PCDH11X: variants seen among roughly 807,000 people sequenced by gnomAD.
PCDH11X encodes the protein protocadherin 11 X-linked, also known as protocadherin-11 X-linked.
In PCDH11X, 18 loss-of-function variants were observed where a neutral mutation model predicts 53.3. The observed-to-expected ratio is 0.34, with a 90% CI of 0.23 to 0.50. The LOEUF is 0.50. PCDH11X is among the 20% of genes least tolerant of loss of function. The pLI is 0.98. For missense variants in PCDH11X, 570 were observed against 1,032.4 expected (o/e 0.55, Z 6.14); for synonymous variants, 279 against 393.3 (o/e 0.71, Z 3.44).
intron 8 of PCDH11X, among the ~76,000 whole-genome samples, chrX:92,387,344 A>T (rs1030125145): frequency 8.9e-6 from 1 of 112,348 alleles, no homozygotes; most frequent in Non-Finnish European, 1.9e-5. Flanking sequence ...ACAGCAAAAA[A>T]GTATGGTTAT....
chrX:92,433,306 C>T (rs961892571), intron 9 of PCDH11X, among the ~76,000 whole-genome samples: 3 of 110,350 alleles, frequency 2.7e-5, no homozygotes, highest in South Asian at 7.5e-4. Flanking sequence ...GAATAGTTAG[C>T]ATATAAATAA....
At chrX:91,981,153 C>T (rs895029549) in intron 6 of PCDH11X, among the ~76,000 whole-genome samples, 2 of 106,592 alleles carry the variant, frequency 1.9e-5, no homozygotes, top group African/African-American at 6.8e-5. Context: ...TCAAGAAACT[C>T]ACAGTACAGT....
chrX:92,321,898 A>C (rs2069222898), intron 8 of PCDH11X, among the ~76,000 whole-genome samples: 1 of 107,554 alleles, frequency 9.3e-6, no homozygotes, highest in Admixed American at 1.0e-4. Context: ...TTAATTTCTC[A>C]ACCATTATGT....
chrX:91,914,785 C>T (rs2147808614), intron 6 of PCDH11X, among the ~76,000 whole-genome samples: 1 of 111,727 alleles, frequency 9.0e-6, no homozygotes, highest in South Asian at 3.7e-4. Context: ...AACTGGTGTT[C>T]CTGAGAAGAG....
chrX:92,458,959 T>A (rs1162737237), intron 9 of PCDH11X, among the ~76,000 whole-genome samples: 1 of 111,666 alleles, frequency 9.0e-6, no homozygotes, highest in Non-Finnish European at 1.9e-5. Context: ...TCTATACTGT[T>A]CTCCATAGTG....
chrX:92,012,543 A>G (rs1288424188), intron 6 of PCDH11X, among the ~76,000 whole-genome samples: 1 of 111,820 alleles, frequency 8.9e-6, no homozygotes, highest in Non-Finnish European at 1.9e-5. Flanking sequence ...TCTTCTTGCA[A>G]GTATAAATGT....
At position 91,835,523 on chromosome X, in the gene PCDH11X, A is replaced by G; in HGVS notation, c.19A>G (p.Thr7Ala). ...ACCTGGTATGGACTTGTTGTCCGGG[A>G]CGTACATTTTCGCGGTCCTGCTAGC... MDLLSG[T>A]YIFAVLLACV... Residue 7 changes from threonine to alanine, a missense_variant, in exon 5 of 11, where the codon ACG becomes GCG. Thr to Ala is a moderately conservative substitution (Grantham distance 58). Around this residue, in one of 6 missense-constraint regions of PCDH11X, gnomAD observed 84 missense variants for 142.0 expected, o/e 0.59. Transcript: ENST00000682573. 2.5e-6 allele frequency: 3 copies of G among 1,211,346 alleles called. No individual in the cohort carries two copies. The highest frequency in any genetic ancestry group is 2.2e-6 in the Non-Finnish European group (2 of 895,472).
intron 5 of PCDH11X, among the ~76,000 whole-genome samples, chrX:91,858,193 C>T (rs762152973): frequency 2.5e-3 from 278 of 109,475 alleles, no homozygotes; most frequent in African/African-American, 9.0e-3. Context: ...AGCTCTACAT[C>T]GGACACTTTC....
At chrX:92,174,264 G>A (rs181024861) in intron 6 of PCDH11X, among the ~76,000 whole-genome samples, 2 of 110,099 alleles carry the variant, frequency 1.8e-5, no homozygotes, top group Admixed American at 2.0e-4. Flanking sequence ...TTTTAAATAA[G>A]CAAAGAAGGA....
At chrX:91,875,888 A>G (rs1352698700) in intron 5 of PCDH11X, among the ~76,000 whole-genome samples, 2 of 109,919 alleles carry the variant, frequency 1.8e-5, no homozygotes, top group Non-Finnish European at 3.8e-5. Flanking sequence ...TTTTAGCTGT[A>G]TTTATTAGAT....
intron 6 of PCDH11X, among the ~76,000 whole-genome samples, chrX:91,951,096 A>G (rs958531579): frequency 9.0e-6 from 1 of 111,108 alleles, no homozygotes; most frequent in Admixed American, 9.7e-5. Flanking sequence ...TCAGGTAGAA[A>G]TAGTAACTAG....
At chrX:91,962,488 C>T (rs2061802238) in intron 6 of PCDH11X, among the ~76,000 whole-genome samples, 1 of 112,388 alleles carries the variant, frequency 8.9e-6, no homozygotes, top group Non-Finnish European at 1.9e-5. Context: ...ATCCCTGTGG[C>T]TTTGCAGGGT....
In PCDH11X at chrX:92,038,688, C is replaced by A. The variant is rs112148752; in HGVS notation, c.3033+159415C>A. On this transcript the variant is annotated intron_variant, in intron 6 of 10. Transcript: ENST00000682573. ...TTTGGCTGAGTCCCCACCCAAACCT[C>A]ATCTTGAATTGTAACACCCACAATT... 7.8e-3 allele frequency among the ~76,000 whole-genome samples: 850 copies of A among 108,473 alleles called. 8 individuals are homozygous for A. Among genetic ancestry groups the A allele is most frequent in the African/African-American group, 0.027 (811 of 29,567 alleles). 94.2% of individuals were successfully genotyped at this position (108,473 alleles called of 115,157 possible). A position where few individuals can be genotyped will look rare whatever the true frequency, so the allele number is the denominator to read the frequency against.
Position 92,291,885 on chromosome X carries a change from GAA to G in PCDH11X, c.3144+28744_3144+28745del, listed in dbSNP as rs2068501217. On this transcript the variant is annotated intron_variant, in intron 8 of 10. Coordinates refer to ENST00000682573, the MANE Select transcript of PCDH11X (RefSeq NM_032968.5). ...TCTGTCTCAAAAACAAAAAAAAAGA[GAA>G]AGAAAAAAGAAAAAAAAGCATGAAC... Among the ~76,000 whole-genome samples the G allele has an allele frequency of 3.7e-5, 4 of 107,616 alleles. No individual in the cohort carries two copies. In the South Asian group the frequency reaches 1.6e-3, roughly 43 times the overall value. 93.5% of individuals were successfully genotyped at this position (107,616 alleles called of 115,157 possible).
chrX:92,475,445 T>C (rs1282448082), intron 10 of PCDH11X, among the ~76,000 whole-genome samples: 1 of 111,464 alleles, frequency 9.0e-6, no homozygotes, highest in Non-Finnish European at 1.9e-5. Context: ...CCAGATATAC[T>C]ATTATAGAGT....
At chrX:92,353,716 C>G (rs1044607754) in intron 8 of PCDH11X, among the ~76,000 whole-genome samples, 2 of 108,537 alleles carry the variant, frequency 1.8e-5, no homozygotes, top group Admixed American at 1.0e-4. Context: ...CTTTAGCTAT[C>G]TTTAACATTC....
intron 6 of PCDH11X, among the ~76,000 whole-genome samples, chrX:92,050,507 C>A (rs1286080333): frequency 9.3e-6 from 1 of 107,002 alleles, no homozygotes. Flanking sequence ...GCTAGACCGT[C>A]TGGGTTCAAA....
intron 8 of PCDH11X, among the ~76,000 whole-genome samples, chrX:92,301,415 C>T (rs1156901323): frequency 2.8e-5 from 3 of 106,988 alleles, no homozygotes; most frequent in African/African-American, 6.9e-5. Context: ...AATGGGCGTC[C>T]CTGGCAGTAC....
Position 92,023,393 on chromosome X carries a change from C to T in PCDH11X, c.3033+144120C>T, listed in dbSNP as rs779021184. 4.9e-3 allele frequency among the ~76,000 whole-genome samples: 538 copies of T among 109,237 alleles called. 3 individuals carry two copies. Among genetic ancestry groups the T allele is most frequent in the Non-Finnish European group, 8.2e-3 (430 of 52,530 alleles). 94.9% of individuals were successfully genotyped at this position (109,237 alleles called of 115,157 possible). ...AGAGAATACTATAAATACTTCTATGCAAATAAACTAGCAAACCGAGAAGAA... is the reference window on the plus strand; with the variant it reads ...AGAGAATACTATAAATACTTCTATGTAAATAAACTAGCAAACCGAGAAGAA... On this transcript the variant is annotated intron_variant, in intron 6 of 10. Coordinates refer to ENST00000682573, the MANE Select transcript of PCDH11X (RefSeq NM_032968.5).
Sources: allele counts gnomAD v4.1 joint callset (sites outside exome capture counted in the v4.1 genomes callset), GRCh38; gene constraint gnomAD v4.1.1; regional missense constraint gnomAD v4.1.1; transcripts MANE v1.5; gene names NCBI Gene and HGNC (gene_info 2026-07-23, HGNC 2026-07-21).